Variants in CCDC171 observed in about 807,000 individuals in gnomAD.
The protein encoded by CCDC171 is coiled-coil domain-containing protein 171.
In CCDC171, 177 loss-of-function variants were observed where a neutral mutation model predicts 168.2. The observed-to-expected ratio is 1.05, with a 90% CI of 0.93 to 1.19. The LOEUF (loss-of-function observed/expected upper bound fraction) is 1.19. Ranked by LOEUF, CCDC171 falls within the 50% of genes most tolerant of loss-of-function variation. CCDC171 has a pLI of 0.00. For synonymous variants in CCDC171, 687 were observed against 540.8 expected, an observed-to-expected ratio of 1.27 and a Z score of -3.75; for missense variants, 1,991 against 1,539.0, an observed-to-expected ratio of 1.29 and a Z score of -4.91.
intron 18 of CCDC171, among the ~76,000 whole-genome samples, chr9:15,746,557 A>G (rs1379872396): frequency 6.6e-6 from 1 of 152,240 alleles, no homozygotes; most frequent in Non-Finnish European, 1.5e-5. Context: ...ATAACTTCAA[A>G]GCAAAACTGA....
chr9:16,077,508 G>C, the CCDC171 span, among the ~76,000 whole-genome samples: 16 of 152,144 alleles, frequency 1.1e-4, no homozygotes, highest in African/African-American at 3.9e-4. Context: ...TGTGATGTGA[G>C]ATTATGCTCA....
chr9:15,655,771 A>G (rs1224453878), intron 7 of CCDC171, among the ~76,000 whole-genome samples: 4 of 152,230 alleles, frequency 2.6e-5, no homozygotes, highest in Non-Finnish European at 5.9e-5. Flanking sequence ...ACTTCTTCAA[A>G]GAAGATACAC....
intron 21 of CCDC171, among the ~76,000 whole-genome samples, chr9:15,836,251 A>G (rs906190043): frequency 3.3e-5 from 5 of 152,250 alleles, no homozygotes; most frequent in Admixed American, 3.3e-4. Flanking sequence ...CATTATGCAT[A>G]TTCATCATGG....
At chr9:16,056,832 T>C (rs1471192745) in intron 1 of CCDC171, among the ~76,000 whole-genome samples, 1 of 152,158 alleles carries the variant, frequency 6.6e-6, no homozygotes, top group African/African-American at 2.4e-5. Context: ...TAAGAGAAGA[T>C]GAATTATATC....
chr9:15,762,876 A>G (rs1434652944), intron 18 of CCDC171, among the ~76,000 whole-genome samples: 1 of 152,168 alleles, frequency 6.6e-6, no homozygotes, highest in Non-Finnish European at 1.5e-5. Flanking sequence ...CATAAATTTT[A>G]TAAAAATGGA....
chr9:15,829,988 C>A (rs2060164033), intron 21 of CCDC171, among the ~76,000 whole-genome samples: 1 of 152,134 alleles, frequency 6.6e-6, no homozygotes, highest in African/African-American at 2.4e-5. Context: ...AGGCTTGTTG[C>A]TGAATAAATG....
intron 25 of CCDC171, among the ~76,000 whole-genome samples, chr9:15,940,216 A>T (rs1021917156): frequency 6.6e-6 from 1 of 151,956 alleles, no homozygotes; most frequent in Admixed American, 6.6e-5. Context: ...TATATTTTGT[A>T]TTTGACCTTT....
chr9:15,649,597 C>G (rs578070013), intron 7 of CCDC171, among the ~76,000 whole-genome samples: 42 of 152,256 alleles, frequency 2.8e-4, no homozygotes, highest in African/African-American at 9.6e-4. Context: ...AGGATATGAA[C>G]AGACACTTCT....
At chr9:15,556,881 A>T (rs13301763) in intron 1 of CCDC171, among the ~76,000 whole-genome samples, 6 of 152,138 alleles carry the variant, frequency 3.9e-5, no homozygotes, top group African/African-American at 1.4e-4. Context: ...TAGGTCTAAC[A>T]TTTAAGTCGT....
At chr9:15,778,486 A>G (rs2057465138) in intron 19 of CCDC171, among the ~76,000 whole-genome samples, 1 of 151,754 alleles carries the variant, frequency 6.6e-6, no homozygotes, top group Non-Finnish European at 1.5e-5. Flanking sequence ...CAAAAATACA[A>G]AAATGAGCCA....
chr9:15,662,443 G>A (rs939894284), intron 8 of CCDC171, among the ~76,000 whole-genome samples: 1 of 152,138 alleles, frequency 6.6e-6, no homozygotes, highest in Admixed American at 6.5e-5. Context: ...AACTCAGGTT[G>A]TGTGTTGCCA....
the CCDC171 span, among the ~76,000 whole-genome samples, chr9:16,094,485 C>T: frequency 6.6e-6 from 1 of 152,104 alleles, no homozygotes; most frequent in Non-Finnish European, 1.5e-5. Context: ...ACAATCCAGG[C>T]CCAGCAGAAC....
chr9:16,002,867 A>G (rs942374043), intron 3 of CCDC171, among the ~76,000 whole-genome samples: 8 of 152,238 alleles, frequency 5.3e-5, no homozygotes, highest in East Asian at 3.8e-4. Context: ...ACAACTGCCT[A>G]CAGTATTCAG....
intron 3 of CCDC171, among the ~76,000 whole-genome samples, chr9:15,573,680 C>G (rs1045721657): frequency 6.6e-6 from 1 of 152,166 alleles, no homozygotes; most frequent in African/African-American, 2.4e-5. Context: ...GCTAATTATT[C>G]ATAAACTCTA....
intron 11 of CCDC171, among the ~76,000 whole-genome samples, chr9:15,720,925 G>C (rs1437098044): frequency 6.6e-6 from 1 of 152,178 alleles, no homozygotes; most frequent in Non-Finnish European, 1.5e-5. Flanking sequence ...ACCTATGAGT[G>C]AGAACATGCA....
the CCDC171 span, among the ~76,000 whole-genome samples, chr9:16,087,254 T>C: frequency 6.6e-6 from 1 of 152,154 alleles, no homozygotes; most frequent in African/African-American, 2.4e-5. Context: ...GTGTTCTTGG[T>C]CCAGAGCTGA....
chr9:15,617,435 G>C lies in CCDC171; in HGVS notation c.676-5832G>C, dbSNP rs188971446. On this transcript the variant is annotated intron_variant, in intron 6 of 25. Coordinates refer to ENST00000380701, the MANE Select transcript of CCDC171 (RefSeq NM_173550.4). The stretch of plus-strand genomic sequence containing the variant: ...GCTGTCACCCAGGCTGGAATGCAGT[G>C]GCGTGATCTCGGCTCACTGCAAGCT... Among the ~76,000 whole-genome samples the C allele has an allele frequency of 1.2e-4, 18 of 149,938 alleles. 1 individual carries two copies. Among genetic ancestry groups the C allele is most frequent in the African/African-American group, 3.9e-4 (16 of 40,658 alleles).
chr9:15,812,174 G>A (rs1208569411), intron 21 of CCDC171, among the ~76,000 whole-genome samples: 1 of 152,150 alleles, frequency 6.6e-6, no homozygotes, highest in African/African-American at 2.4e-5. Flanking sequence ...GAGCTTAGAA[G>A]AAGTCCATTA....
chr9:15,765,962 C>T (rs548619218), intron 18 of CCDC171, among the ~76,000 whole-genome samples: 3 of 152,136 alleles, frequency 2.0e-5, no homozygotes, highest in East Asian at 3.9e-4. Context: ...CGAACAGCCT[C>T]GGAAAATAAA....
Sources: gnomAD v4.1 joint callset for allele counts (sites outside exome capture counted in the v4.1 genomes callset) on GRCh38, gnomAD v4.1.1 for gene constraint, MANE v1.5 for transcripts, NCBI Gene and HGNC (gene_info 2026-07-23, HGNC 2026-07-21) for gene names.